Variants in SDK1 observed in about 807,000 individuals in gnomAD.
The protein encoded by SDK1 is sidekick cell adhesion molecule 1.
SDK1 carries 157 observed loss-of-function variants against 245.5 expected under a neutral mutation model. The observed-to-expected ratio is 0.64, with a 90% CI of 0.56 to 0.73. The LOEUF (loss-of-function observed/expected upper bound fraction) is 0.73. Among genes scored for constraint, SDK1 ranks in the 30% least tolerant of loss-of-function variants. The pLI, the probability that SDK1 is intolerant of heterozygous loss-of-function variation, is 0.00. For missense variants in SDK1, 3,583 were observed against 3,002.3 expected, an observed-to-expected ratio of 1.19 and a Z score of -4.52; for synonymous variants, 1,647 against 1,278.5, an observed-to-expected ratio of 1.29 and a Z score of -6.15.
At chr7:3,617,601 A>G (rs975463063) in intron 1 of SDK1, among the ~76,000 whole-genome samples, 2 of 152,178 alleles carry the variant, frequency 1.3e-5, no homozygotes, top group African/African-American at 4.8e-5. Flanking sequence ...CAGTTCAACA[A>G]CATGGCAGTT....
chr7:3,907,545 T>C (rs1778995639), intron 5 of SDK1, among the ~76,000 whole-genome samples: 1 of 152,240 alleles, frequency 6.6e-6, no homozygotes, highest in African/African-American at 2.4e-5. Context: ...TTTCTGCCTA[T>C]TGGCTCTTGT....
chr7:4,219,291 C>T (rs2128231195), intron 38 of SDK1, among the ~76,000 whole-genome samples: 1 of 152,324 alleles, frequency 6.6e-6, no homozygotes, highest in African/African-American at 2.4e-5. Context: ...TATCTTCCTA[C>T]ATCTTGTATA....
At chr7:3,568,984 C>G (rs193234722) in intron 1 of SDK1, among the ~76,000 whole-genome samples, 3 of 148,816 alleles carry the variant, frequency 2.0e-5, no homozygotes, top group Non-Finnish European at 4.4e-5. Flanking sequence ...TAATTTATTG[C>G]CGAATATTTA....
At chr7:3,686,487 A>G (rs1179867470) in intron 4 of SDK1, among the ~76,000 whole-genome samples, 1 of 152,236 alleles carries the variant, frequency 6.6e-6, no homozygotes, top group Non-Finnish European at 1.5e-5. Context: ...CATGGGCTGT[A>G]CAAGGACACA....
intron 5 of SDK1, among the ~76,000 whole-genome samples, chr7:3,847,281 C>G (rs1197050031): frequency 2.0e-5 from 3 of 152,218 alleles, no homozygotes; most frequent in Non-Finnish European, 4.4e-5. Context: ...CTTGCCCAGA[C>G]CAGTTCCTCT....
At chr7:3,401,368 CAA>C (rs1490635858) in intron 1 of SDK1, among the ~76,000 whole-genome samples, 2 of 152,230 alleles carry the variant, frequency 1.3e-5, no homozygotes, top group East Asian at 1.9e-4. Flanking sequence ...TACTGTGTGA[CAA>C]GAGCATTATG....
At chr7:3,893,238 G>GC (rs1308545062) in intron 5 of SDK1, among the ~76,000 whole-genome samples, 8 of 152,310 alleles carry the variant, frequency 5.3e-5, no homozygotes, top group East Asian at 1.9e-4. Flanking sequence ...CCCCGGTTCT[G>GC]CCTCTGCCTG....
Position 4,003,912 on chromosome 7 carries a change from C to T in SDK1, c.2132-7054C>T, listed in dbSNP as rs140465259. Among the ~76,000 whole-genome samples, 123 of 152,312 alleles carry T rather than the reference C, an allele frequency of 8.1e-4. 1 individual carries two copies. Among genetic ancestry groups the T allele is most frequent in the African/African-American group, 2.9e-3 (122 of 41,526 alleles). ...CGCGGGCATTGCTCCAAGACAAGCT[C>T]ATCTTCTCCTTCATCTCTGTGACCA... On this transcript the variant is annotated intron_variant, in intron 14 of 44. Coordinates refer to ENST00000404826, the MANE Select transcript of SDK1 (RefSeq NM_152744.4).
chr7:4,009,909 C>T (rs901490646), intron 14 of SDK1, among the ~76,000 whole-genome samples: 2 of 152,148 alleles, frequency 1.3e-5, no homozygotes, highest in Admixed American at 6.5e-5. Flanking sequence ...CGAATCCCCG[C>T]GGTTGGGGCT....
chr7:3,561,670 A>G (rs1407313855), intron 1 of SDK1, among the ~76,000 whole-genome samples: 1 of 152,166 alleles, frequency 6.6e-6, no homozygotes, highest in Non-Finnish European at 1.5e-5. Context: ...TTTTCTCCTT[A>G]TATGGATTAT....
At chr7:3,771,232 A>G (rs1780398225) in intron 4 of SDK1, among the ~76,000 whole-genome samples, 1 of 152,036 alleles carries the variant, frequency 6.6e-6, no homozygotes, top group Admixed American at 6.5e-5. Context: ...TGATGGTTGC[A>G]GGGATCCAGG....
chr7:3,912,737 C>T (rs371409496), intron 5 of SDK1, among the ~76,000 whole-genome samples: 107 of 152,334 alleles, frequency 7.0e-4, no homozygotes, highest in African/African-American at 2.1e-3. Flanking sequence ...CGGTCTGGCC[C>T]GTGGGGGCTC....
intron 2 of SDK1, among the ~76,000 whole-genome samples, chr7:3,624,929 C>T (rs1353634771): frequency 6.6e-6 from 1 of 152,012 alleles, no homozygotes; most frequent in Non-Finnish European, 1.5e-5. Context: ...CCTGTAATCC[C>T]AGCTACTCGG....
At chr7:4,234,924 C>T (rs1181550001) in intron 41 of SDK1, among the ~76,000 whole-genome samples, 1 of 152,200 alleles carries the variant, frequency 6.6e-6, no homozygotes, top group Non-Finnish European at 1.5e-5. Flanking sequence ...TGTTGGTCCT[C>T]TTCCTGGGAT....
At chr7:3,876,429 A>G (rs763671252) in intron 5 of SDK1, among the ~76,000 whole-genome samples, 2 of 152,174 alleles carry the variant, frequency 1.3e-5, no homozygotes, top group South Asian at 2.1e-4. Flanking sequence ...TGGGACCTCA[A>G]TATAAACTAA....
chr7:4,055,769 G>A (rs1779157176), intron 19 of SDK1, among the ~76,000 whole-genome samples: 2 of 152,112 alleles, frequency 1.3e-5, no homozygotes, highest in African/African-American at 4.8e-5. Flanking sequence ...AGCGTTTAGT[G>A]CTGTACATTT....
chr7:4,215,980 A>T (rs540254753), intron 38 of SDK1, among the ~76,000 whole-genome samples: 2 of 152,100 alleles, frequency 1.3e-5, no homozygotes, highest in African/African-American at 4.8e-5. Flanking sequence ...TGGGCTTCAG[A>T]CCACTCCCAT....
chr7:3,975,596 C>A (rs1184031899), intron 13 of SDK1, among the ~76,000 whole-genome samples: 3 of 152,214 alleles, frequency 2.0e-5, no homozygotes. Flanking sequence ...AAGCATGTGG[C>A]TTCTGTGTCT....
intron 4 of SDK1, among the ~76,000 whole-genome samples, chr7:3,680,076 A>C (rs1000661647): frequency 1.3e-5 from 2 of 152,204 alleles, no homozygotes; most frequent in Non-Finnish European, 2.9e-5. Flanking sequence ...GCCGTGGTGC[A>C]TCCGCAGCAT....
Sources: allele counts gnomAD v4.1 joint callset (sites outside exome capture counted in the v4.1 genomes callset), GRCh38; gene constraint gnomAD v4.1.1; transcripts MANE v1.5; gene names NCBI Gene and HGNC (gene_info 2026-07-23, HGNC 2026-07-21).